Variants in WIPF1 observed in about 807,000 individuals in gnomAD.
WIPF1 encodes WAS/WASL-interacting protein family member 1.
Under a neutral mutation model 35.4 loss-of-function variants are expected in WIPF1, and 13 were observed. The ratio of observed to expected loss-of-function variants is 0.37; its 90% CI spans 0.24 to 0.58. The LOEUF is 0.58. Ranked by LOEUF, WIPF1 falls within the 20% of genes least tolerant of loss-of-function variation. The pLI is 0.74. For synonymous variants in WIPF1, 267 were observed against 266.3 expected, an observed-to-expected ratio of 1.00 and a Z score of -0.02; for missense variants, 591 against 667.0, an observed-to-expected ratio of 0.89 and a Z score of 1.25.
chr2:174,655,038 C>T (rs1687612289), intron 1 of WIPF1, among the ~76,000 whole-genome samples: 1 of 152,224 alleles, frequency 6.6e-6, no homozygotes, highest in South Asian at 2.1e-4. Flanking sequence ...TGGCTCTCCT[C>T]AGTATTCCAG....
At chr2:174,629,403 G>C (rs1044626819) in intron 1 of WIPF1, among the ~76,000 whole-genome samples, 15 of 152,084 alleles carry the variant, frequency 9.9e-5, no homozygotes, top group African/African-American at 3.6e-4. Flanking sequence ...AAATGCTCTG[G>C]GGAAGAGGAA....
chr2:174,614,946 A>G (rs965256017), intron 1 of WIPF1, among the ~76,000 whole-genome samples: 1 of 152,242 alleles, frequency 6.6e-6, no homozygotes, highest in Non-Finnish European at 1.5e-5. Context: ...TCTAAGATGC[A>G]CAAAGATGAG....
At chr2:174,574,313 A>G (rs1684976371) in intron 4 of WIPF1, among the ~76,000 whole-genome samples, 1 of 152,200 alleles carries the variant, frequency 6.6e-6, no homozygotes, top group Non-Finnish European at 1.5e-5. Context: ...ATAAATTTAA[A>G]TTCAAATTTA....
chr2:174,592,021 GCC>G (rs1325103089), intron 1 of WIPF1, among the ~76,000 whole-genome samples: 1 of 152,220 alleles, frequency 6.6e-6, no homozygotes, highest in Non-Finnish European at 1.5e-5. Flanking sequence ...GTCCAGACGT[GCC>G]CCAGGAAACT....
chr2:174,601,506 A>G (rs1470872017), upstream of WIPF1, among the ~76,000 whole-genome samples: 8 of 152,250 alleles, frequency 5.3e-5, no homozygotes, highest in Non-Finnish European at 8.8e-5. Context: ...GGAAATAAAA[A>G]GATAAAGAAA....
rs572678527 is a variant in WIPF1 at position 174,650,669 on chromosome 2, A to G, written c.-39+32105T>C. ...TACATCTCCTGACAATATTTTAAAC[A>G]GAGAAACAGGTATCTAAATAAGATA... On this transcript the variant is annotated intron_variant, in intron 1 of 8. Coordinates refer to the WIPF1 transcript ENST00000272746. 7.2e-5 allele frequency among the ~76,000 whole-genome samples: 11 copies of G among 152,372 alleles called. 1 individual carries two copies. In the South Asian group the frequency reaches 2.3e-3, roughly 32 times the overall value.
chr2:174,655,065 C>A (rs1283025529), intron 1 of WIPF1, among the ~76,000 whole-genome samples: 2 of 152,190 alleles, frequency 1.3e-5, no homozygotes, highest in African/African-American at 4.8e-5. Flanking sequence ...TCCATGAGGT[C>A]CAACCATGTT....
At chr2:174,612,335 CCTT>C (rs1234520730) in intron 1 of WIPF1, among the ~76,000 whole-genome samples, 1 of 152,072 alleles carries the variant, frequency 6.6e-6, no homozygotes, top group East Asian at 1.9e-4. Context: ...CTGTATATAT[CCTT>C]CTTTTTCACA....
At chr2:174,575,870 G>T (rs181933262) in intron 3 of WIPF1, among the ~76,000 whole-genome samples, 31 of 152,142 alleles carry the variant, frequency 2.0e-4, no homozygotes, top group Non-Finnish European at 4.0e-4. Context: ...AAAGAGGGTC[G>T]CAAGGGAGGA....
At chr2:174,652,802 A>C (rs184948613) in intron 1 of WIPF1, among the ~76,000 whole-genome samples, 124 of 152,030 alleles carry the variant, frequency 8.2e-4, no homozygotes, top group East Asian at 7.1e-3. Flanking sequence ...AAAAAAAAAA[A>C]AAAAACAAAA....
rs373244196 is a variant in WIPF1 at position 174,652,239 on chromosome 2, G to A, written c.-39+30535C>T. 4.8e-3 allele frequency among the ~76,000 whole-genome samples: 727 copies of A among 152,258 alleles called. 8 individuals carry two copies. The highest frequency in any genetic ancestry group is 0.016 in the African/African-American group (676 of 41,546). ...ACCTCTCATTGTGAGGAGAGTCAAC[G>A]TATTTACAATCATGTTTTAAAATAC... On this transcript the variant is annotated intron_variant, in intron 1 of 8. Transcript: ENST00000272746.
intron 2 of WIPF1, among the ~76,000 whole-genome samples, chr2:174,583,326 T>G (rs1397730928): frequency 6.6e-6 from 1 of 152,238 alleles, no homozygotes; most frequent in Non-Finnish European, 1.5e-5. Flanking sequence ...ATGAAAAAAC[T>G]CTGAGGCCTA....
Position 174,652,238 on chromosome 2 carries a change from C to T in WIPF1, c.-39+30536G>A, listed in dbSNP as rs140402164. ...CACCTCTCATTGTGAGGAGAGTCAACGTATTTACAATCATGTTTTAAAATA... is the reference window on the plus strand; with the variant it reads ...CACCTCTCATTGTGAGGAGAGTCAATGTATTTACAATCATGTTTTAAAATA... On this transcript the variant is annotated intron_variant, in intron 1 of 8. Coordinates refer to the WIPF1 transcript ENST00000272746. Among the ~76,000 whole-genome samples, 52 of 152,292 alleles carry T rather than the reference C, an allele frequency of 3.4e-4. 1 individual carries two copies. The highest frequency in any genetic ancestry group is 1.2e-3 in the African/African-American group (49 of 41,558).
chr2:174,653,779 T>C, intron 1 of WIPF1, among the ~76,000 whole-genome samples: 1 of 150,312 alleles, frequency 6.7e-6, no homozygotes, highest in South Asian at 2.1e-4. Context: ...GAGTTCACAG[T>C]ACTTCTGACC....
At chr2:174,581,741 T>G (rs16862739) in intron 2 of WIPF1, among the ~76,000 whole-genome samples, 4,461 of 152,260 alleles carry the variant, frequency 0.029, 234 homozygotes, top group African/African-American at 0.1. Context: ...GTGAGATGAC[T>G]AGACACGAGA....
chr2:174,673,225 T>C (rs563962802), intron 1 of WIPF1: 1 of 152,352 alleles, frequency 6.6e-6, no homozygotes, highest in South Asian at 2.1e-4. Context: ...AGCCAGGCAC[T>C]TGGACCTGCT....
rs144659563 is a variant in WIPF1, at chr2:174,672,181, A to G, written c.-39+10593T>C. Among the ~76,000 whole-genome samples, 843 of 152,370 alleles carry G rather than the reference A, an allele frequency of 5.5e-3. 8 individuals are homozygous for G. Among genetic ancestry groups the G allele is most frequent in the African/African-American group, 0.018 (732 of 41,582 alleles). ...CTATGTGAAATAATGTTTAATTATCAGGGGCGGGTTCCCCCAATAATAGAT... is the reference window on the plus strand; with the variant it reads ...CTATGTGAAATAATGTTTAATTATCGGGGGCGGGTTCCCCCAATAATAGAT... On this transcript the variant is annotated intron_variant, in intron 1 of 8. Transcript: ENST00000272746.
At chr2:174,609,235 T>C (rs1007471751) in intron 1 of WIPF1, among the ~76,000 whole-genome samples, 1 of 152,252 alleles carries the variant, frequency 6.6e-6, no homozygotes, top group African/African-American at 2.4e-5. Context: ...ATTGATGTGG[T>C]TGAAAAAACT....
At chr2:174,573,727 T>C (rs1684950499) in intron 4 of WIPF1, among the ~76,000 whole-genome samples, 1 of 151,994 alleles carries the variant, frequency 6.6e-6, no homozygotes, top group Non-Finnish European at 1.5e-5. Flanking sequence ...ACAGTGAGAA[T>C]GGGAGAGATC....
Sources: gnomAD v4.1 joint callset for allele counts (sites outside exome capture counted in the v4.1 genomes callset) on GRCh38, gnomAD v4.1.1 for gene constraint, MANE v1.5 for transcripts, NCBI Gene and HGNC (gene_info 2026-07-23, HGNC 2026-07-21) for gene names.